The following SLC2A12 variants were observed in gnomAD, a reference collection of about 807,000 sequenced individuals.
SLC2A12 encodes solute carrier family 2 member 12.
SLC2A12 carries 23 observed loss-of-function variants against 41.8 expected under a neutral mutation model. That is an observed-to-expected ratio of 0.55 (90% CI 0.40 to 0.78). The LOEUF (loss-of-function observed/expected upper bound fraction) is 0.78. Ranked by LOEUF, SLC2A12 falls within the 30% of genes least tolerant of loss-of-function variation. The pLI, the probability that SLC2A12 is intolerant of heterozygous loss-of-function variation, is 0.00. For synonymous variants in SLC2A12, 295 were observed against 285.9 expected, an observed-to-expected ratio of 1.03 and a Z score of -0.32; for missense variants, 654 against 745.6, an observed-to-expected ratio of 0.88 and a Z score of 1.43.
chr6:134,027,208 A>G (rs1244274831), intron 2 of SLC2A12, among the ~76,000 whole-genome samples: 2 of 152,186 alleles, frequency 1.3e-5, no homozygotes, highest in Non-Finnish European at 2.9e-5. Flanking sequence ...TCATCACTCA[A>G]TACATATTGC....
intron 1 of SLC2A12, among the ~76,000 whole-genome samples, chr6:134,051,002 A>T (rs932912046): frequency 6.6e-6 from 1 of 152,038 alleles, no homozygotes; most frequent in Admixed American, 6.5e-5. Context: ...ATCTCAGCTC[A>T]CTGTAACCTC....
At chr6:134,032,440 A>T (rs1032148735) in intron 1 of SLC2A12, among the ~76,000 whole-genome samples, 1 of 38,508 alleles carries the variant, frequency 2.6e-5, no homozygotes, top group Non-Finnish European at 5.4e-5. Flanking sequence ...ATATATATAT[A>T]TATATATAAA....
Position 134,029,717 on chromosome 6 carries a change from G to A in SLC2A12, c.108C>T (p.Cys36=), listed in dbSNP as rs368066290. The A allele has an allele frequency of 3.0e-5, 48 of 1,593,316 alleles. No individual in the cohort carries two copies. Among genetic ancestry groups the A allele is most frequent in the East Asian group, 9.0e-5 (4 of 44,624 alleles). Residue 36 remains cysteine (C), a synonymous_variant, in exon 2 of 5, where the codon TGC becomes TGT. Transcript: ENST00000275230. The stretch of plus-strand genomic sequence containing the variant: ...CAGATGACAGGAAGGTAAACATGCC[G>A]CAGCCTGCAAGCAGAGAGAAGAGAC... ...GSRHPPWARG[C]GMFTFLSSVT...
rs1274329992 is a variant in SLC2A12 at position 134,006,867 on chromosome 6, A to G, written c.1512T>C (p.Ser504=). 1.2e-6 allele frequency: 2 copies of G among 1,614,190 alleles called. No homozygotes were observed. The highest frequency in any genetic ancestry group is 1.7e-6 in the Non-Finnish European group (2 of 1,180,026). ...GIRGRAMALT[S]SMNWGINLLI... is the part of the protein sequence containing the mutation. ...GGAGATTGATGCCCCAGTTCATGCT[A>G]GAAGTTAAAGCCATGGCTCGTCCTC... Residue 504 remains serine, a synonymous_variant, in exon 3 of 5, where the codon TCT becomes TCC. Coordinates refer to ENST00000275230, the MANE Select transcript of SLC2A12 (RefSeq NM_145176.3).
At chr6:134,021,942 T>C (rs557121997) in intron 2 of SLC2A12, among the ~76,000 whole-genome samples, 122 of 152,260 alleles carry the variant, frequency 8.0e-4, no homozygotes, top group African/African-American at 2.7e-3. Flanking sequence ...CAGTGGGGAA[T>C]AAACCCACAC....
At chr6:134,023,249 T>C in intron 2 of SLC2A12, among the ~76,000 whole-genome samples, 2 of 152,060 alleles carry the variant, frequency 1.3e-5, no homozygotes, top group Non-Finnish European at 2.9e-5. Context: ...TCTGGAAGGG[T>C]ATCCCAGTAA....
rs1429836691 is a variant in SLC2A12, at chr6:134,001,858, T to C, written c.1700+139A>G. On this transcript the variant is annotated intron_variant, in intron 4 of 4. Coordinates refer to ENST00000275230, the MANE Select transcript of SLC2A12 (RefSeq NM_145176.3). The stretch of plus-strand genomic sequence containing the variant: ...AAGCAGGGAAATTGGAATTATGCAC[T>C]GAGACATAGTCTTACGCTAAAGGGA... 1.6e-5 allele frequency: 14 copies of C among 850,664 alleles called. No individual in the cohort carries two copies. In the East Asian group the frequency reaches 4.7e-4, roughly 29 times the overall value. The allele number at this position is 850,664 out of a possible 1,614,324, so 52.7% of individuals were successfully genotyped here.
At position 134,002,044 on chromosome 6, in the gene SLC2A12, C is replaced by T. The variant is rs1353276368; in HGVS notation, c.1653G>A (p.Glu551=). Reference sequence around the variant, plus strand: ...TTTGTTCCAAAGAGCATCCCTTTGTCTCAGGTATAAACATAACAACAAAAA... The same window carrying T: ...TTTGTTCCAAAGAGCATCCCTTTGTTTCAGGTATAAACATAACAACAAAAA... ...SLLFVVMFIP[E]TKGCSLEQIS... is the part of the protein sequence containing the mutation. Residue 551 remains glutamate, a synonymous_variant, in exon 4 of 5, where the codon GAG becomes GAA. Transcript: ENST00000275230. 6.2e-7 allele frequency: 1 copy of T among 1,607,492 alleles called. No homozygotes were observed. The highest frequency in any genetic ancestry group is 8.5e-7 in the Non-Finnish European group (1 of 1,177,890).
Position 133,997,894 on chromosome 6 carries a change from G to A in SLC2A12, c.1700+4103C>T, listed in dbSNP as rs377721515. Among the ~76,000 whole-genome samples the A allele has an allele frequency of 2.1e-4, 32 of 152,216 alleles. No individual in the cohort carries two copies. The South Asian group carries it at 6.2e-3, about 30-fold the overall frequency. On this transcript the variant is annotated intron_variant, in intron 4 of 4. Coordinates refer to ENST00000275230, the MANE Select transcript of SLC2A12 (RefSeq NM_145176.3). ...TTTATAGCTAGTAGGGATTACTACTGCTGTAATGACTTTAAAATGTAAAAT... is the reference window on the plus strand; with the variant it reads ...TTTATAGCTAGTAGGGATTACTACTACTGTAATGACTTTAAAATGTAAAAT...
chr6:134,028,968 AC>A lies in SLC2A12; in HGVS notation c.856del (p.Val286TyrfsTer20), dbSNP rs1291647945. 6.2e-7 allele frequency: 1 copy of A among 1,614,142 alleles called. No homozygotes were observed. Among genetic ancestry groups the A allele is most frequent in the Non-Finnish European group, 8.5e-7 (1 of 1,180,060 alleles). ...RTRIMIGLTL[V>X]FFVQITGQPN... ...TTGGCCAGTGATTTGTACAAAAAAT[AC>A]TAGTGTTAGTCCTATCATTATTCGG... On this transcript the variant is annotated frameshift_variant, in exon 2 of 5. Transcript: ENST00000275230. LOFTEE classifies it high-confidence loss of function.
Position 134,052,415 on chromosome 6 carries a change from C to G in SLC2A12, c.66G>C (p.Thr22=), listed in dbSNP as rs1447000367. Residue 22 remains threonine (T), a synonymous_variant, in exon 1 of 5, where the codon ACG becomes ACC. Coordinates refer to ENST00000275230, the MANE Select transcript of SLC2A12 (RefSeq NM_145176.3). Reference sequence around the variant, plus strand: ...GAGGATGCCGGCTGCCGCTGCCCTCCGTCTCCACGGCTGTCCCCTTCTGGT... The same window carrying G: ...GAGGATGCCGGCTGCCGCTGCCCTCGGTCTCCACGGCTGTCCCCTTCTGGT... The part of the protein sequence containing the change: ...LLNQKGTAVE[T]EGSGSRHPPW... 1.2e-6 allele frequency: 2 copies of G among 1,613,416 alleles called. No homozygotes were observed. The highest frequency in any genetic ancestry group is 3.3e-5 in the Admixed American group (2 of 60,014).
At position 134,052,335 on chromosome 6, in the gene SLC2A12, C is replaced by T. The variant is rs773034745; in HGVS notation, c.103+43G>A. 3.3e-6 allele frequency: 5 copies of T among 1,506,832 alleles called. No individual in the cohort carries two copies. In the African/African-American group the frequency reaches 5.5e-5, roughly 17 times the overall value. The allele number at this position is 1,506,832 out of a possible 1,614,324, so 93.3% of individuals were successfully genotyped here. On this transcript the variant is annotated intron_variant, in intron 1 of 4. Transcript: ENST00000275230. ...CAGTACACTCGGGAGATGAGTACAGCTTGCTTCTCTGCGGTCACCCGAGCA... is the reference window on the plus strand; with the variant it reads ...CAGTACACTCGGGAGATGAGTACAGTTTGCTTCTCTGCGGTCACCCGAGCA...
intron 1 of SLC2A12, among the ~76,000 whole-genome samples, chr6:134,044,906 G>A (rs1397039355): frequency 6.6e-6 from 1 of 152,118 alleles, no homozygotes; most frequent in East Asian, 1.9e-4. Flanking sequence ...TGCCAGCACT[G>A]TCTGGCAGGC....
In SLC2A12 at chr6:133,991,175, G is replaced by T. The variant is rs755573900; in HGVS notation, c.1834C>A (p.Gln612Lys). Residue 612 changes from glutamine to lysine, a missense_variant, in exon 5 of 5, where the codon CAG becomes AAG. Gln to Lys is a moderately conservative substitution (Grantham distance 53). Transcript: ENST00000275230. ...GGCCATTAGGTCTCTGGAGAAAGCT[G>T]CCTGGATTGGCCCCTACCACACAGC... ...NKLCGRGQSRQLSPET is the reference protein window; with the variant it reads ...NKLCGRGQSRKLSPET 5.6e-6 allele frequency: 9 copies of T among 1,612,858 alleles called. No individual in the cohort carries two copies. Among genetic ancestry groups the T allele is most frequent in the African/African-American group, 1.3e-5 (1 of 74,810 alleles).
At chr6:134,035,582 T>C (rs1436433342) in intron 1 of SLC2A12, among the ~76,000 whole-genome samples, 3 of 152,196 alleles carry the variant, frequency 2.0e-5, no homozygotes, top group African/African-American at 7.2e-5. Flanking sequence ...AGTCTTTAGA[T>C]CTTCATTTTG....
At chr6:134,011,004 A>G (rs117970552) in intron 2 of SLC2A12, among the ~76,000 whole-genome samples, 246 of 152,128 alleles carry the variant, frequency 1.6e-3, no homozygotes, top group South Asian at 3.3e-3. Context: ...TCCTTCCTAA[A>G]CCACCTGGCA....
chr6:134,006,938 G>A lies in SLC2A12; in HGVS notation c.1445-4C>T, dbSNP rs1431789407. ...TCGCTGAGCACCAGCCAGGGCACTAGAAGAAAGGCAAGAGTGGGTGGCGGA... is the reference window on the plus strand; with the variant it reads ...TCGCTGAGCACCAGCCAGGGCACTAAAAGAAAGGCAAGAGTGGGTGGCGGA... On this transcript the variant is annotated splice_polypyrimidine_tract_variant and splice_region_variant and intron_variant, in intron 2 of 4. Transcript: ENST00000275230. 1 of 1,613,962 alleles carries A rather than the reference G, an allele frequency of 6.2e-7. No homozygotes were observed. Among genetic ancestry groups the A allele is most frequent in the Admixed American group, 1.7e-5 (1 of 60,004 alleles).
intron 2 of SLC2A12, among the ~76,000 whole-genome samples, chr6:134,023,263 GACA>G (rs1170594607): frequency 6.6e-6 from 1 of 152,164 alleles, no homozygotes; most frequent in African/African-American, 2.4e-5. Context: ...CCAGTAATCT[GACA>G]ACGAGATGAT....
intron 4 of SLC2A12, among the ~76,000 whole-genome samples, chr6:133,996,656 A>T (rs1263699994): frequency 6.6e-6 from 1 of 152,202 alleles, no homozygotes; most frequent in Non-Finnish European, 1.5e-5. Context: ...CCTTGGTGAC[A>T]AAAGTTGATT....
Sources: gnomAD v4.1 joint callset for allele counts (sites outside exome capture counted in the v4.1 genomes callset) on GRCh38, gnomAD v4.1.1 for gene constraint, MANE v1.5 for transcripts, NCBI Gene and HGNC (gene_info 2026-07-23, HGNC 2026-07-21) for gene names.